Variants in DMC1 observed in about 807,000 individuals in gnomAD.
DMC1 encodes the protein meiotic recombination protein DMC1 homolog.
A neutral mutation model predicts 50.1 loss-of-function variants in DMC1; 27 were observed. That is an observed-to-expected ratio of 0.54 (90% CI 0.40 to 0.74). The LOEUF is 0.74. Ranked by LOEUF, DMC1 falls within the 30% of genes least tolerant of loss-of-function variation. DMC1 has a pLI of 0.00. For missense variants in DMC1, 295 were observed against 420.2 expected, an observed-to-expected ratio of 0.70 and a Z score of 2.60; for synonymous variants, 148 against 136.1, an observed-to-expected ratio of 1.09 and a Z score of -0.61.
downstream of DMC1, among the ~76,000 whole-genome samples, chr22:38,514,695 T>G (rs1192729032): frequency 3.3e-5 from 5 of 152,158 alleles, no homozygotes; most frequent in Non-Finnish European, 7.4e-5. Flanking sequence ...ATACACTAAT[T>G]ATAGTGCATT....
rs372645739 is a variant in DMC1 at position 38,553,497 on chromosome 22, CAA to C, written c.380-792_380-791del. Among the ~76,000 whole-genome samples, 13 of 47,008 alleles carry C rather than the reference CAA, an allele frequency of 2.8e-4. 1 individual carries two copies. Among genetic ancestry groups the C allele is most frequent in the South Asian group, 6.9e-4 (1 of 1,440 alleles). The allele number at this position is 47,008 out of a possible 152,430, so 30.8% of individuals were successfully genotyped here. A position where few individuals can be genotyped will look rare whatever the true frequency, so the allele number is the denominator to read the frequency against. The stretch of plus-strand genomic sequence containing the variant: ...TGGGTGACAGAGCGAGACTCCGTCT[CAA>C]AAAAAAAAAAAAAAAAAGAAAGTTT... On this transcript the variant is annotated intron_variant, in intron 6 of 13. Transcript: ENST00000216024.
intron 5 of DMC1, among the ~76,000 whole-genome samples, chr22:38,558,999 T>G (rs540533512): frequency 6.6e-6 from 1 of 152,284 alleles, no homozygotes; most frequent in African/African-American, 2.4e-5. Flanking sequence ...TTTAAAAGTC[T>G]GGGACAATGC....
At position 38,521,725 on chromosome 22, in the gene DMC1, C is replaced by A. The variant is rs1569151978; in HGVS notation, c.837-1G>T. The A allele has an allele frequency of 6.3e-7, 1 of 1,597,976 alleles. No individual in the cohort carries two copies. The highest frequency in any genetic ancestry group is 8.6e-7 in the Non-Finnish European group (1 of 1,165,460). ...GGGTTTTTTGGGATCTGCCTGAAAG[C>A]TGAATTAATAAAATACTCTTTCAGG... On this transcript the variant is annotated splice_acceptor_variant, in intron 12 of 13. Transcript: ENST00000216024. LOFTEE classifies it high-confidence loss of function.
chr22:38,533,068 A>C (rs1392477068), intron 12 of DMC1, among the ~76,000 whole-genome samples: 1 of 152,052 alleles, frequency 6.6e-6, no homozygotes, highest in Non-Finnish European at 1.5e-5. Flanking sequence ...TTTCACAGGA[A>C]TCTCTTGTAA....
At chr22:38,567,686 A>G in intron 2 of DMC1, 59 bp from the exon 3 acceptor site, 1 of 1,308,210 alleles carries the variant, frequency 7.6e-7, no homozygotes, top group Non-Finnish European at 1.1e-6. Context: ...GCTATTTCAC[A>G]TCTTTTAAAG....
chr22:38,552,140 C>T (rs2090420124), intron 7 of DMC1, among the ~76,000 whole-genome samples: 2 of 152,034 alleles, frequency 1.3e-5, no homozygotes, highest in African/African-American at 4.8e-5. Flanking sequence ...GGATTACAGG[C>T]GTGAGCCACC....
chr22:38,568,248 C>G lies in DMC1; in HGVS notation c.9G>C (p.Glu3Asp). The change falls in exon 2 of 14, where the codon GAG becomes GAC. Residue 3 changes from glutamate (E) to aspartate (D), a missense_variant. Transcript: ENST00000216024. ...CTGGTTCTTCCGCCACAACTTGATCCTCCTTCATATTGAAAAGTGGGCAAC... is the reference window on the plus strand; with the variant it reads ...CTGGTTCTTCCGCCACAACTTGATCGTCCTTCATATTGAAAAGTGGGCAAC... MK[E>D]DQVVAEEPGF... The G allele has an allele frequency of 4.3e-6, 7 of 1,614,080 alleles. No individual in the cohort carries two copies. Among genetic ancestry groups the G allele is most frequent in the Non-Finnish European group, 5.9e-6 (7 of 1,179,972 alleles).
intron 8 of DMC1, among the ~76,000 whole-genome samples, chr22:38,546,570 T>C (rs2090346948): frequency 6.6e-6 from 1 of 152,210 alleles, no homozygotes; most frequent in Non-Finnish European, 1.5e-5. Flanking sequence ...TAAAAGGCTC[T>C]TTCAGAGACT....
chr22:38,560,406 C>A (rs1304513205), intron 5 of DMC1, among the ~76,000 whole-genome samples: 1 of 150,422 alleles, frequency 6.6e-6, no homozygotes, highest in South Asian at 2.1e-4. Context: ...AGGACTTTGG[C>A]TTCTTTTCTG....
Position 38,566,611 on chromosome 22 carries a change from T to C in DMC1, c.222A>G (p.Lys74=). 1 of 1,614,232 alleles carries C rather than the reference T, an allele frequency of 6.2e-7. No individual in the cohort carries two copies. Among genetic ancestry groups the C allele is most frequent in the Non-Finnish European group, 8.5e-7 (1 of 1,180,018 alleles). The change falls in exon 4 of 14, where the codon AAA becomes AAG. Residue 74 remains lysine (K), a synonymous_variant. Transcript: ENST00000216024. The stretch of plus-strand genomic sequence containing the variant: ...TTACAATTAGTTTGTTCGCTGCCTC[T>C]TTAATCTTGTCTACTTTGGCTTCTG... The part of the protein sequence containing the change: ...GLSEAKVDKI[K]EAANKLIEPG...
rs11458767 is a variant in DMC1, at chr22:38,550,317, C to CTT, written c.422-322_422-321dup. Among the ~76,000 whole-genome samples, 73 of 133,962 alleles carry CTT rather than the reference C, an allele frequency of 5.4e-4. 1 individual carries two copies. Among genetic ancestry groups the CTT allele is most frequent in the East Asian group, 2.2e-3 (10 of 4,618 alleles). 87.9% of individuals were successfully genotyped at this position (133,962 alleles called of 152,430 possible). ...ATTTTCTTTCTTTTTCTTTTCTTTT[C>CTT]TTTTTTTTTTTTTTTTGAGACGAGT... On this transcript the variant is annotated intron_variant, in intron 7 of 13. Transcript: ENST00000216024.
chr22:38,537,190 C>G (rs1273473881), intron 12 of DMC1, among the ~76,000 whole-genome samples: 1 of 151,946 alleles, frequency 6.6e-6, no homozygotes, highest in Non-Finnish European at 1.5e-5. Context: ...CACATAAAGA[C>G]TAATGATTTT....
chr22:38,549,680 T>C (rs2090382638), intron 8 of DMC1: 1 of 448,018 alleles, frequency 2.2e-6, no homozygotes, highest in African/African-American at 2.0e-5. Flanking sequence ...AGTAAGAGGA[T>C]TAAAAATGAT....
chr22:38,521,695 C>T lies in DMC1; in HGVS notation c.866G>A (p.Gly289Glu). 6.2e-7 allele frequency: 1 copy of T among 1,613,928 alleles called. No individual in the cohort carries two copies. Reference protein sequence around the residue: ...TFQADPKKPIGGHILAHASTT... With the variant: ...TFQADPKKPIEGHILAHASTT... ...TGAAGCATGAGCCAGAATGTGTCCCCCAATGGGTTTTTTGGGATCTGCCTG... is the reference window on the plus strand; with the variant it reads ...TGAAGCATGAGCCAGAATGTGTCCCTCAATGGGTTTTTTGGGATCTGCCTG... The change falls in exon 13 of 14, where the codon GGG becomes GAG. Residue 289 changes from glycine (G) to glutamate (E), a missense_variant. Transcript: ENST00000216024.
intron 6 of DMC1, among the ~76,000 whole-genome samples, chr22:38,554,794 A>G (rs2090451365): frequency 6.6e-6 from 1 of 152,188 alleles, no homozygotes; most frequent in East Asian, 1.9e-4. Context: ...TTTTGAACAA[A>G]TAAGTGAAAA....
chr22:38,535,079 C>G (rs2090195636), intron 12 of DMC1, among the ~76,000 whole-genome samples: 1 of 151,986 alleles, frequency 6.6e-6, no homozygotes, highest in Admixed American at 6.6e-5. Flanking sequence ...GCAGGTGGAT[C>G]GTGAGGTCAA....
At position 38,519,778 on chromosome 22, in the gene DMC1, A is replaced by G. The variant is rs2090003428; in HGVS notation, c.*242T>C. On this transcript the variant is annotated 3_prime_UTR_variant, in exon 14 of 14. Coordinates refer to ENST00000216024, the MANE Select transcript of DMC1 (RefSeq NM_007068.4). ...TATATATCTACTATATATGTCAGGT[A>G]TACACACACAAACACACACACACAC... 4.3e-6 allele frequency: 2 copies of G among 463,032 alleles called. No individual in the cohort carries two copies. Among genetic ancestry groups the G allele is most frequent in the Non-Finnish European group, 8.0e-6 (2 of 251,034 alleles). The allele number at this position is 463,032 out of a possible 1,614,324, so 28.7% of individuals were successfully genotyped here.
chr22:38,559,506 C>A (rs764073309), intron 5 of DMC1, among the ~76,000 whole-genome samples: 35 of 152,116 alleles, frequency 2.3e-4, no homozygotes, highest in Non-Finnish European at 4.3e-4. Flanking sequence ...ATTTCACAGG[C>A]TAGTGTGCGC....
At chr22:38,514,481 A>T (rs1041513403), downstream of DMC1, among the ~76,000 whole-genome samples, 1 of 151,914 alleles carries the variant, frequency 6.6e-6, no homozygotes, top group African/African-American at 2.4e-5. Context: ...TGACCTCGTG[A>T]TCTGCCCACC....
Sources: gnomAD v4.1 joint callset for allele counts (sites outside exome capture counted in the v4.1 genomes callset) on GRCh38, gnomAD v4.1.1 for gene constraint, MANE v1.5 for transcripts, NCBI Gene and HGNC (gene_info 2026-07-23, HGNC 2026-07-21) for gene names.